The following SLC25A13 variants were observed in gnomAD, a reference collection of about 807,000 sequenced individuals.
The protein encoded by SLC25A13 is electrogenic aspartate/glutamate antiporter SLC25A13, mitochondrial.
In SLC25A13, 70 loss-of-function variants were observed where a neutral mutation model predicts 85.5. The observed-to-expected ratio is 0.82, with a 90% CI of 0.68 to 1.00. The LOEUF (loss-of-function observed/expected upper bound fraction) is 1.00. Ranked by LOEUF, SLC25A13 falls within the 50% of genes least tolerant of loss-of-function variation. The pLI, the probability that SLC25A13 is intolerant of heterozygous loss-of-function variation, is 0.00. For synonymous variants in SLC25A13, 259 were observed against 288.7 expected (o/e 0.90, Z 1.04); for missense variants, 765 against 819.8 (o/e 0.93, Z 0.82).
At chr7:96,217,018 T>G (rs1295171793) in intron 4 of SLC25A13, among the ~76,000 whole-genome samples, 1 of 151,996 alleles carries the variant, frequency 6.6e-6, no homozygotes, top group African/African-American at 2.4e-5. Flanking sequence ...CACACAGAAC[T>G]CTCACAATAC....
chr7:96,219,185 T>C (rs186171117), intron 4 of SLC25A13, among the ~76,000 whole-genome samples: 314 of 152,240 alleles, frequency 2.1e-3, no homozygotes, highest in Middle Eastern at 6.8e-3. Context: ...ATGGTTGCCA[T>C]TAAAACATAG....
chr7:96,244,511 C>G (rs1022593165), intron 3 of SLC25A13, among the ~76,000 whole-genome samples: 3 of 152,212 alleles, frequency 2.0e-5, no homozygotes, highest in Non-Finnish European at 4.4e-5. Context: ...AGGGTCTTAC[C>G]TTTGCCTAAC....
intron 6 of SLC25A13, 58 bp downstream of exon 6, chr7:96,192,979 T>G: frequency 6.3e-7 from 1 of 1,575,432 alleles, no homozygotes; most frequent in Non-Finnish European, 8.7e-7. Flanking sequence ...TAAGAATTGT[T>G]TTTATAATTC....
At chr7:96,212,912 A>G (rs1030148035) in intron 4 of SLC25A13, among the ~76,000 whole-genome samples, 1 of 152,234 alleles carries the variant, frequency 6.6e-6, no homozygotes, top group Non-Finnish European at 1.5e-5. Flanking sequence ...CCTACCTAGC[A>G]GGATTATGTA....
chr7:96,220,401 G>A (rs542520638), intron 4 of SLC25A13, among the ~76,000 whole-genome samples: 1 of 152,216 alleles, frequency 6.6e-6, no homozygotes, highest in East Asian at 1.9e-4. Flanking sequence ...AAATGTCTAA[G>A]TATCCACCCC....
chr7:96,173,176 G>T (rs1039443389), intron 11 of SLC25A13, among the ~76,000 whole-genome samples: 1 of 152,194 alleles, frequency 6.6e-6, no homozygotes, highest in African/African-American at 2.4e-5. Context: ...TGTTTTCATG[G>T]AAAAATGGGA....
Position 96,183,054 on chromosome 7 carries a change from G to A in SLC25A13, c.1177+1223C>T, listed in dbSNP as rs1462304278. Among the ~76,000 whole-genome samples, 5 of 152,140 alleles carry A rather than the reference G, an allele frequency of 3.3e-5. No homozygotes were observed. The East Asian group carries it at 9.7e-4, about 29-fold the overall frequency. The stretch of plus-strand genomic sequence containing the variant: ...TTGCAAAGTTGTTGCCATCAGGGAA[G>A]AAAAGCATTTCAAATGGAAGGCAGT... On this transcript the variant is annotated intron_variant, in intron 11 of 17. Transcript: ENST00000265631.
At chr7:96,247,549 A>C (rs1280634513) in intron 3 of SLC25A13, among the ~76,000 whole-genome samples, 1 of 152,182 alleles carries the variant, frequency 6.6e-6, no homozygotes, top group Admixed American at 6.5e-5. Flanking sequence ...TGTATCTCAG[A>C]TGAAAGATTA....
At chr7:96,288,669 T>A (rs1798990269) in intron 2 of SLC25A13, among the ~76,000 whole-genome samples, 1 of 152,156 alleles carries the variant, frequency 6.6e-6, no homozygotes, top group Non-Finnish European at 1.5e-5. Flanking sequence ...GCCTCGCTCA[T>A]TGCTAGCAAA....
intron 3 of SLC25A13, among the ~76,000 whole-genome samples, chr7:96,269,764 G>A (rs746570254): frequency 6.6e-6 from 1 of 152,158 alleles, no homozygotes; most frequent in Admixed American, 6.5e-5. Flanking sequence ...TGCACACAAT[G>A]GAATACTATT....
At position 96,277,248 on chromosome 7, in the gene SLC25A13, TA is replaced by T; in HGVS notation, c.159del (p.Asn54IlefsTer8). On this transcript the variant is annotated frameshift_variant, in exon 3 of 18. Coordinates refer to ENST00000265631, the MANE Select transcript of SLC25A13 (RefSeq NM_014251.3). LOFTEE classifies it high-confidence loss of function. ...RYLNIFGESQPNPKTVELLSG... is the reference protein window; with the variant it reads ...RYLNIFGESQXNPKTVELLSG... The stretch of plus-strand genomic sequence containing the variant: ...CTTAAAAGTTCCACAGTCTTTGGAT[TA>T]GGCTGGCTTTCTCCAAAAATGTTCA... 1 of 1,610,914 alleles carries T rather than the reference TA, an allele frequency of 6.2e-7. No homozygotes were observed. The highest frequency in any genetic ancestry group is 8.5e-7 in the Non-Finnish European group (1 of 1,178,404).
chr7:96,154,294 CTTT>C (rs1161443008), intron 13 of SLC25A13, among the ~76,000 whole-genome samples: 9 of 125,450 alleles, frequency 7.2e-5, no homozygotes, highest in Non-Finnish European at 6.8e-5. Context: ...CACTGAGTGT[CTTT>C]TTTTTTTTTT....
At chr7:96,142,756 T>C (rs1792618328) in intron 14 of SLC25A13, among the ~76,000 whole-genome samples, 1 of 152,328 alleles carries the variant, frequency 6.6e-6, no homozygotes, top group African/African-American at 2.4e-5. Context: ...TTTTGAAATA[T>C]AAATTATATT....
intron 10 of SLC25A13, chr7:96,184,697 G>T: frequency 1.6e-6 from 1 of 627,382 alleles, no homozygotes; most frequent in African/African-American, 1.8e-5. Context: ...ACCTGTCTTT[G>T]GAAGGCCTGA....
chr7:96,152,716 A>ATGGAAAG (rs1283294887), intron 13 of SLC25A13, among the ~76,000 whole-genome samples: 1 of 152,164 alleles, frequency 6.6e-6, no homozygotes, highest in East Asian at 1.9e-4. Flanking sequence ...AAGAAGAAAA[A>ATGGAAAG]TGGAAAGTGG....
At chr7:96,140,397 C>CTTTT (rs59863233) in intron 14 of SLC25A13, among the ~76,000 whole-genome samples, 25 of 88,128 alleles carry the variant, frequency 2.8e-4, no homozygotes, top group Admixed American at 6.0e-4. Flanking sequence ...CAAGGATCTC[C>CTTTT]TTTTTTTTTT....
intron 3 of SLC25A13, among the ~76,000 whole-genome samples, chr7:96,269,602 C>G (rs73710265): frequency 0.012 from 1,866 of 152,306 alleles, 38 homozygotes; most frequent in African/African-American, 0.042. Context: ...TTTCCTGGGG[C>G]TGCTGTGACA....
At chr7:96,313,802 A>C (rs940374564) in intron 1 of SLC25A13, among the ~76,000 whole-genome samples, 4 of 151,914 alleles carry the variant, frequency 2.6e-5, no homozygotes, top group African/African-American at 4.9e-5. Context: ...TTTAAAAAAA[A>C]AGAAAGTAAG....
chr7:96,264,612 T>C (rs928074669), intron 3 of SLC25A13, among the ~76,000 whole-genome samples: 2 of 152,198 alleles, frequency 1.3e-5, no homozygotes, highest in East Asian at 1.9e-4. Context: ...ATATTTACCA[T>C]ACTAGAAATT....
Sources: gnomAD v4.1 joint callset for allele counts (sites outside exome capture counted in the v4.1 genomes callset) on GRCh38, gnomAD v4.1.1 for gene constraint, MANE v1.5 for transcripts, NCBI Gene and HGNC (gene_info 2026-07-23, HGNC 2026-07-21) for gene names.